The following ERG variants were observed in gnomAD, a reference collection of about 807,000 sequenced individuals.
The protein encoded by ERG is transcriptional regulator ERG.
In ERG, 9 loss-of-function variants were observed where a neutral mutation model predicts 55.3. The ratio of observed to expected loss-of-function variants is 0.16; its 90% CI spans 0.10 to 0.28. The LOEUF (loss-of-function observed/expected upper bound fraction) is 0.28, where lower values mean the gene tolerates loss of function less well. Among genes scored for constraint, ERG ranks in the 10% least tolerant of loss-of-function variants. The pLI, the probability that ERG is intolerant of heterozygous loss-of-function variation, is 1.00. For missense variants in ERG, 434 were observed against 631.6 expected (o/e 0.69, Z 3.35); for synonymous variants, 223 against 237.3 (o/e 0.94, Z 0.55).
intron 1 of ERG, among the ~76,000 whole-genome samples, chr21:38,578,649 C>A (rs887112758): frequency 6.6e-6 from 1 of 152,040 alleles, no homozygotes; most frequent in Non-Finnish European, 1.5e-5. Context: ...CAGAGTCACC[C>A]ACCCCAATCA....
At chr21:38,642,645 C>T (rs945298990) in intron 1 of ERG, among the ~76,000 whole-genome samples, 6 of 152,198 alleles carry the variant, frequency 3.9e-5, no homozygotes, top group South Asian at 2.1e-4. Flanking sequence ...AACACTGTTA[C>T]ACCCACTGAT....
intron 1 of ERG, among the ~76,000 whole-genome samples, chr21:38,482,842 T>C (rs370018220): frequency 1.3e-5 from 2 of 152,042 alleles, no homozygotes; most frequent in Non-Finnish European, 2.9e-5. Flanking sequence ...CACACCCCAC[T>C]AATTATTAAA....
chr21:38,539,072 A>C (rs1337111739), intron 2 of ERG, among the ~76,000 whole-genome samples: 2 of 152,168 alleles, frequency 1.3e-5, no homozygotes, highest in Non-Finnish European at 2.9e-5. Flanking sequence ...TATGTCATTC[A>C]CCATATTGTG....
intron 1 of ERG, among the ~76,000 whole-genome samples, chr21:38,481,402 TA>T (rs1364304145): frequency 6.6e-6 from 1 of 152,198 alleles, no homozygotes; most frequent in Non-Finnish European, 1.5e-5. Context: ...AACAGTCCAC[TA>T]AAAATCTTAT....
chr21:38,521,078 C>T lies in ERG; in HGVS notation c.-41+54584G>A, dbSNP rs974268059. ...AAAGCTGAACCTTCAGCCTGCCCAT[C>T]ACTTAGAAGCCCAGCAGGGACAGAA... On this transcript the variant is annotated intron_variant, in intron 2 of 8. Coordinates refer to the ERG transcript ENST00000398897. Among the ~76,000 whole-genome samples the T allele has an allele frequency of 2.8e-4, 42 of 152,256 alleles. 1 individual carries two copies. Among genetic ancestry groups the T allele is most frequent in the African/African-American group, 9.6e-4 (40 of 41,558 alleles).
chr21:38,477,467 G>A (rs2059199694), intron 1 of ERG, among the ~76,000 whole-genome samples: 1 of 152,016 alleles, frequency 6.6e-6, no homozygotes, highest in Non-Finnish European at 1.5e-5. Context: ...GCAAACCTGT[G>A]ATCTTGCCTT....
intron 1 of ERG, among the ~76,000 whole-genome samples, chr21:38,647,908 C>T (rs895962648): frequency 1.3e-5 from 2 of 152,154 alleles, no homozygotes; most frequent in South Asian, 2.1e-4. Context: ...AATAAAGACT[C>T]GGCACTCTGA....
intron 1 of ERG, among the ~76,000 whole-genome samples, chr21:38,469,925 GT>G (rs1399240023): frequency 6.6e-6 from 1 of 152,158 alleles, no homozygotes; most frequent in Non-Finnish European, 1.5e-5. Context: ...CCAGCAATTT[GT>G]CTTCTTAATT....
intron 1 of ERG, among the ~76,000 whole-genome samples, chr21:38,603,551 T>G (rs923434882): frequency 2.6e-5 from 4 of 151,966 alleles, no homozygotes; most frequent in Non-Finnish European, 5.9e-5. Context: ...CTTCCACCTG[T>G]GAAAAGAAGT....
At chr21:38,371,604 T>C in the ERG span, among the ~76,000 whole-genome samples, 1 of 152,070 alleles carries the variant, frequency 6.6e-6, no homozygotes, top group Non-Finnish European at 1.5e-5. Context: ...TTTTACTTTC[T>C]ATATGTATTC....
At chr21:38,508,458 T>C (rs2059486883) in intron 2 of ERG, among the ~76,000 whole-genome samples, 1 of 152,222 alleles carries the variant, frequency 6.6e-6, no homozygotes, top group Admixed American at 6.5e-5. Context: ...TGGATGAGTA[T>C]ACATCCTCTA....
chr21:38,558,910 C>T (rs1034651755), intron 2 of ERG, among the ~76,000 whole-genome samples: 2 of 152,072 alleles, frequency 1.3e-5, no homozygotes, highest in East Asian at 3.9e-4. Context: ...CATCAAGGTG[C>T]AAGGAAATGT....
chr21:38,420,301 T>C (rs1046153563), intron 3 of ERG, among the ~76,000 whole-genome samples: 2 of 112,322 alleles, frequency 1.8e-5, no homozygotes, highest in Non-Finnish European at 3.6e-5. Flanking sequence ...TGTGTGTGTG[T>C]GCGTGTGTGT....
chr21:38,558,749 A>G (rs1471381597), intron 2 of ERG, among the ~76,000 whole-genome samples: 1 of 152,258 alleles, frequency 6.6e-6, no homozygotes, highest in Non-Finnish European at 1.5e-5. Context: ...GGTGACAGTT[A>G]CAGCGCAAAT....
chr21:38,521,480 C>A (rs919659616), intron 2 of ERG, among the ~76,000 whole-genome samples: 1 of 151,864 alleles, frequency 6.6e-6, no homozygotes, highest in African/African-American at 2.4e-5. Context: ...TACTCTAGGA[C>A]AAAAGAAGCT....
chr21:38,582,194 A>C (rs1220883641), intron 1 of ERG, among the ~76,000 whole-genome samples: 2 of 152,306 alleles, frequency 1.3e-5, no homozygotes, highest in East Asian at 3.9e-4. Flanking sequence ...GAGTTCTAGC[A>C]AGTTGTTGCA....
chr21:38,392,142 G>C (rs561658714), intron 7 of ERG, among the ~76,000 whole-genome samples: 1 of 152,332 alleles, frequency 6.6e-6, no homozygotes, highest in Non-Finnish European at 1.5e-5. Context: ...ACATGCATTT[G>C]TGAAGGTTGA....
intron 1 of ERG, among the ~76,000 whole-genome samples, chr21:38,448,535 C>G (rs2146564142): frequency 6.6e-6 from 1 of 152,254 alleles, no homozygotes; most frequent in African/African-American, 2.4e-5. Context: ...TGCTGAACAC[C>G]TAGGATGAAG....
intron 1 of ERG, among the ~76,000 whole-genome samples, chr21:38,635,652 A>G (rs1179438539): frequency 6.6e-6 from 1 of 152,216 alleles, no homozygotes; most frequent in Non-Finnish European, 1.5e-5. Context: ...TTAAAGCACA[A>G]TTATTGAGCA....
Sources: allele counts gnomAD v4.1 joint callset (sites outside exome capture counted in the v4.1 genomes callset), GRCh38; gene constraint gnomAD v4.1.1; transcripts MANE v1.5; gene names NCBI Gene and HGNC (gene_info 2026-07-23, HGNC 2026-07-21).